The following CNTNAP4 variants were observed in gnomAD, a reference collection of about 807,000 sequenced individuals.
CNTNAP4 encodes the protein contactin associated protein family member 4.
Under a neutral mutation model 148.4 loss-of-function variants are expected in CNTNAP4, and 98 were observed. The observed-to-expected ratio is 0.66, with a 90% CI of 0.56 to 0.78. CNTNAP4 has a LOEUF of 0.78. Among genes scored for constraint, CNTNAP4 ranks in the 30% least tolerant of loss-of-function variants. The pLI is 0.00. For missense variants in CNTNAP4, 1,935 were observed against 1,565.6 expected, an observed-to-expected ratio of 1.24 and a Z score of -3.98; for synonymous variants, 730 against 565.1, an observed-to-expected ratio of 1.29 and a Z score of -4.14.
chr16:76,353,864 T>C (rs2012200939), intron 2 of CNTNAP4, among the ~76,000 whole-genome samples: 1 of 152,196 alleles, frequency 6.6e-6, no homozygotes, highest in South Asian at 2.1e-4. Context: ...TTGTCAACAC[T>C]GGTGTGTGCC....
rs562856246 is a variant in CNTNAP4 at position 76,478,390 on chromosome 16, ATATAT to A, written c.1763-1024_1763-1020del. Among the ~76,000 whole-genome samples the A allele has an allele frequency of 1.3e-3, 195 of 152,348 alleles. 4 individuals are homozygous for A. The highest frequency in any genetic ancestry group is 9.4e-3 in the Admixed American group (144 of 15,288). On this transcript the variant is annotated intron_variant, in intron 11 of 23. Transcript: ENST00000611870. Reference sequence around the variant, plus strand: ...CCATGCTTATATCTCTATCAGCATGATATATTATAGGAACAAAATAAAACTGTCAC... The same window carrying A: ...CCATGCTTATATCTCTATCAGCATGATATAGGAACAAAATAAAACTGTCAC...
At chr16:76,451,278 G>T (rs2080462412) in intron 7 of CNTNAP4, among the ~76,000 whole-genome samples, 2 of 152,050 alleles carry the variant, frequency 1.3e-5, no homozygotes, top group African/African-American at 4.8e-5. Flanking sequence ...TCTCTTTTTT[G>T]GCTTTTACTC....
At chr16:76,370,395 A>G (rs1038981665) in intron 3 of CNTNAP4, among the ~76,000 whole-genome samples, 3 of 152,144 alleles carry the variant, frequency 2.0e-5, no homozygotes, top group Non-Finnish European at 2.9e-5. Flanking sequence ...GGACTGCCCT[A>G]TAGAATTATG....
rs1254355516 is a variant in CNTNAP4 at position 76,467,480 on chromosome 16, A to T, written c.1612A>T (p.Asn538Tyr). The change falls in exon 10 of 24, where the codon AAC becomes TAC. Residue 538 changes from asparagine to tyrosine, a missense_variant. Physicochemically the swap from Asn to Tyr is moderately radical, Grantham distance 143. Transcript: ENST00000611870. ...LISVQQGSLG[N>Y]FSDLQIDSCG... is the part of the protein sequence containing the mutation. ...TTCAGTTCAGCAGGGGTCCCTTGGG[A>T]ACTTCAGTGACCTTCAGATAGACTC... 3 of 1,613,790 alleles carry T rather than the reference A, an allele frequency of 1.9e-6. No homozygotes were observed. Among genetic ancestry groups the T allele is most frequent in the Admixed American group, 3.3e-5 (2 of 59,986 alleles).
intron 1 of CNTNAP4, among the ~76,000 whole-genome samples, chr16:76,315,195 A>G (rs1277407893): frequency 6.6e-6 from 1 of 151,756 alleles, no homozygotes; most frequent in Non-Finnish European, 1.5e-5. Context: ...TGCTATTATG[A>G]GCAACGTTGC....
chr16:76,466,014 TAAG>T (rs1298160065), intron 9 of CNTNAP4, among the ~76,000 whole-genome samples: 3 of 152,216 alleles, frequency 2.0e-5, no homozygotes, highest in African/African-American at 7.2e-5. Context: ...ATACAGGAAT[TAAG>T]AAGTTGCTGA....
At chr16:76,503,529 T>C (rs1053386155) in intron 15 of CNTNAP4, among the ~76,000 whole-genome samples, 2 of 152,232 alleles carry the variant, frequency 1.3e-5, no homozygotes, top group African/African-American at 4.8e-5. Flanking sequence ...AAGTGAATTA[T>C]ATATTTTTTA....
chr16:76,514,233 G>A (rs1004222684), intron 15 of CNTNAP4, among the ~76,000 whole-genome samples: 11 of 152,116 alleles, frequency 7.2e-5, no homozygotes, highest in Non-Finnish European at 8.8e-5. Context: ...TGATGCAGTG[G>A]CAAACTTAGA....
intron 3 of CNTNAP4, among the ~76,000 whole-genome samples, chr16:76,370,214 T>TAGC (rs199815848): frequency 0.05 from 7,588 of 152,054 alleles, 616 homozygotes; most frequent in African/African-American, 0.17. Context: ...AATATTTTAG[T>TAGC]AGTTTAAATC....
At chr16:76,312,268 G>A (rs1961207919) in intron 1 of CNTNAP4, among the ~76,000 whole-genome samples, 1 of 152,204 alleles carries the variant, frequency 6.6e-6, no homozygotes, top group African/African-American at 2.4e-5. Context: ...TAGTTGTGAT[G>A]ACAAAAGTGT....
chr16:76,492,915 A>G (rs2082274114), intron 13 of CNTNAP4, among the ~76,000 whole-genome samples: 1 of 150,902 alleles, frequency 6.6e-6, no homozygotes, highest in Admixed American at 6.7e-5. Flanking sequence ...AATGTGAAGG[A>G]ATCCCCACCT....
At chr16:76,474,101 G>A (rs908246725) in intron 10 of CNTNAP4, among the ~76,000 whole-genome samples, 5 of 152,112 alleles carry the variant, frequency 3.3e-5, no homozygotes, top group Non-Finnish European at 7.4e-5. Flanking sequence ...AACTTAATAA[G>A]TGTTTATTTC....
At chr16:76,466,069 T>G (rs2081167358) in intron 9 of CNTNAP4, among the ~76,000 whole-genome samples, 2 of 152,338 alleles carry the variant, frequency 1.3e-5, no homozygotes, top group African/African-American at 4.8e-5. Flanking sequence ...GGTTGATGAC[T>G]ATCATGGCAA....
At chr16:76,416,360 A>G (rs569274656) in intron 3 of CNTNAP4, among the ~76,000 whole-genome samples, 5 of 151,402 alleles carry the variant, frequency 3.3e-5, no homozygotes, top group African/African-American at 1.2e-4. Context: ...TGCATTATTT[A>G]TTTAGATCTT....
At chr16:76,316,653 C>A in intron 2 of CNTNAP4, 130 bp downstream of exon 2, 1 of 658,238 alleles carries the variant, frequency 1.5e-6, no homozygotes, top group South Asian at 1.8e-5. Context: ...ATGGTTAAAA[C>A]TCATGAGATG....
intron 8 of CNTNAP4, among the ~76,000 whole-genome samples, chr16:76,459,745 G>C (rs181298496): frequency 6.6e-6 from 1 of 152,284 alleles, no homozygotes; most frequent in East Asian, 1.9e-4. Flanking sequence ...TTGATCTGCA[G>C]AATCACACAG....
At chr16:76,414,967 T>TC (rs1555548537) in intron 3 of CNTNAP4, among the ~76,000 whole-genome samples, 4 of 151,120 alleles carry the variant, frequency 2.6e-5, no homozygotes, top group Non-Finnish European at 4.5e-5. Flanking sequence ...GTGTTTTTTT[T>TC]CCCTAATTTT....
At chr16:76,540,168 T>G (rs1417352887) in intron 20 of CNTNAP4, among the ~76,000 whole-genome samples, 2 of 152,140 alleles carry the variant, frequency 1.3e-5, no homozygotes, top group East Asian at 1.9e-4. Flanking sequence ...AATGCAGTAA[T>G]AAATCTATCA....
At position 76,370,437 on chromosome 16, in the gene CNTNAP4, C is replaced by G. The variant is rs186464350; in HGVS notation, c.390+14926C>G. ...GTGGGTATCTTTTGGGGGCTGGAGC[C>G]TTGTAAAAGGCTCAGCCACTACCAA... On this transcript the variant is annotated intron_variant, in intron 3 of 23. Transcript: ENST00000611870. Among the ~76,000 whole-genome samples, 728 of 152,232 alleles carry G rather than the reference C, an allele frequency of 4.8e-3. 2 individuals are homozygous for G. Among genetic ancestry groups the G allele is most frequent in the African/African-American group, 0.016 (655 of 41,544 alleles).
Sources: gnomAD v4.1 joint callset for allele counts (sites outside exome capture counted in the v4.1 genomes callset) on GRCh38, gnomAD v4.1.1 for gene constraint, MANE v1.5 for transcripts, NCBI Gene and HGNC (gene_info 2026-07-23, HGNC 2026-07-21) for gene names.